RASGEF1C: variants seen among roughly 807,000 people sequenced by gnomAD.
RASGEF1C encodes the protein RasGEF domain family member 1C.
Under a neutral mutation model 58.1 loss-of-function variants are expected in RASGEF1C, and 27 were observed. The observed-to-expected ratio is 0.46, with a 90% CI of 0.34 to 0.64. RASGEF1C has a LOEUF of 0.64. Among genes scored for constraint, RASGEF1C ranks in the 30% least tolerant of loss-of-function variants. The pLI is 0.01. For missense variants in RASGEF1C, 502 were observed against 605.1 expected (o/e 0.83, Z 1.79); for synonymous variants, 243 against 246.3 (o/e 0.99, Z 0.13).
In RASGEF1C at chr5:180,138,167, C is replaced by A. The variant is rs558560992; in HGVS notation, c.-6-109G>T. ...CTCCTGGCTGGGCAGGCTCCCCCCA[C>A]AGCCACTTTGTGCCAGCTTGAGTCC... On this transcript the variant is annotated intron_variant, in intron 1 of 13. Transcript: ENST00000361132. The A allele has an allele frequency of 9.5e-5, 60 of 630,282 alleles. No individual in the cohort carries two copies. The African/African-American group carries it at 1.0e-3, about 11-fold the overall frequency. 39.0% of individuals were successfully genotyped at this position (630,282 alleles called of 1,614,324 possible).
At chr5:180,181,830 T>C (rs1767334133) in intron 1 of RASGEF1C, among the ~76,000 whole-genome samples, 1 of 152,160 alleles carries the variant, frequency 6.6e-6, no homozygotes, top group African/African-American at 2.4e-5. Flanking sequence ...ACTGGCAGGA[T>C]GTCTTCATGC....
intron 4 of RASGEF1C, among the ~76,000 whole-genome samples, 163 bp downstream of exon 4, chr5:180,136,215 C>A (rs1766467848): frequency 1.3e-5 from 2 of 152,256 alleles, no homozygotes; most frequent in East Asian, 3.8e-4. Flanking sequence ...TCCCTCCCAG[C>A]TCGGCAGTGC....
chr5:180,114,576 G>A (rs1355512449), intron 10 of RASGEF1C, 35 bp from the exon 11 acceptor site: 4 of 1,585,394 alleles, frequency 2.5e-6, no homozygotes, highest in East Asian at 2.3e-5. Context: ...GCCCCAGCCG[G>A]CCCTCCACAC....
At chr5:180,107,160 A>C (rs1381404097) in intron 12 of RASGEF1C, among the ~76,000 whole-genome samples, 1 of 152,196 alleles carries the variant, frequency 6.6e-6, no homozygotes, top group Non-Finnish European at 1.5e-5. Context: ...CTATCATTAT[A>C]GTGAAGTGAG....
rs1050700572 is a variant in RASGEF1C at position 180,156,571 on chromosome 5, C to G, written c.-6-18513G>C. 1.3e-5 allele frequency among the ~76,000 whole-genome samples: 2 copies of G among 152,142 alleles called. No individual in the cohort carries two copies. The highest frequency in any genetic ancestry group is 6.5e-5 in the Admixed American group (1 of 15,272). ...AGTGCTTGAGTCCAGCAGTTCAAGACCAGCCTGGGCAACATGGTGAGATCC... is the reference window on the plus strand; with the variant it reads ...AGTGCTTGAGTCCAGCAGTTCAAGAGCAGCCTGGGCAACATGGTGAGATCC... On this transcript the variant is annotated intron_variant, in intron 1 of 13. Coordinates refer to ENST00000361132, the MANE Select transcript of RASGEF1C (RefSeq NM_175062.4). The surrounding 1 kb of genome is among the most constrained non-coding windows in gnomAD (Gnocchi z 4.9).
At chr5:180,169,907 G>A (rs1398254773) in intron 1 of RASGEF1C, among the ~76,000 whole-genome samples, 1 of 151,324 alleles carries the variant, frequency 6.6e-6, no homozygotes. Flanking sequence ...CCTCCCCCTG[G>A]GCTCCCTGCT....
rs150580442 is a variant in RASGEF1C at position 180,128,521 on chromosome 5, G to C, written c.528C>G (p.Ala176=). ...TGGTCCTGTAGGAGATGGGCTTGTC[G>C]GCACCCACCAGACCTTCTGGCCCCT... ...LRQGPEGLVG[A]DKPISYRTKP... The change falls in exon 5 of 14, where the codon GCC becomes GCG. Residue 176 remains alanine (A), a synonymous_variant. Transcript: ENST00000361132. 14 of 1,614,100 alleles carry C rather than the reference G, an allele frequency of 8.7e-6. No homozygotes were observed. Among genetic ancestry groups the C allele is most frequent in the Non-Finnish European group, 1.2e-5 (14 of 1,180,006 alleles).
At chr5:180,148,615 A>G (rs1258792000) in intron 1 of RASGEF1C, among the ~76,000 whole-genome samples, 1 of 152,200 alleles carries the variant, frequency 6.6e-6, no homozygotes, top group Non-Finnish European at 1.5e-5. Flanking sequence ...CTCTGCTCCT[A>G]TACAGTTCTG....
rs954593817 is a variant in RASGEF1C, at chr5:180,137,410, G to A, written c.300+180C>T. Among the ~76,000 whole-genome samples, 7 of 152,304 alleles carry A rather than the reference G, an allele frequency of 4.6e-5. No homozygotes were observed. The Middle Eastern group carries it at 0.014, about 296-fold the overall frequency. ...GTCGGGCACTGGAAAACTACATGGA[G>A]GTTAAAGGTCCTGTTCTGCTCCTTC... On this transcript the variant is annotated intron_variant, in intron 3 of 13. Transcript: ENST00000361132. This position sits in a 1 kb window ranked among gnomAD's most constrained non-coding sequence, Gnocchi z 4.1.
rs756979750 is a variant in RASGEF1C at position 180,119,334 on chromosome 5, C to A, written c.907+12G>T. 6.2e-7 allele frequency: 1 copy of A among 1,605,968 alleles called. No homozygotes were observed. Among genetic ancestry groups the A allele is most frequent in the Admixed American group, 1.7e-5 (1 of 60,020 alleles). On this transcript the variant is annotated intron_variant, in intron 8 of 13. Transcript: ENST00000361132. ...GTGCACTGGGGGCCACAGGCCAGGCCGGCCCACTCACAGATGATGGCCATG... is the reference window on the plus strand; with the variant it reads ...GTGCACTGGGGGCCACAGGCCAGGCAGGCCCACTCACAGATGATGGCCATG...
rs567370213 is a variant in RASGEF1C at position 180,103,372 on chromosome 5, C to T, written c.1304-1229G>A. Reference sequence around the variant, plus strand: ...GATTACAGGCGTGAGCCACCGCACCCGGCACATCAGCATTAACTTTTAGCG... The same window carrying T: ...GATTACAGGCGTGAGCCACCGCACCTGGCACATCAGCATTAACTTTTAGCG... On this transcript the variant is annotated intron_variant, in intron 12 of 13. Transcript: ENST00000361132. Among the ~76,000 whole-genome samples, 15 of 152,324 alleles carry T rather than the reference C, an allele frequency of 9.8e-5. No homozygotes were observed. The South Asian group carries it at 1.7e-3, about 17-fold the overall frequency.
At position 180,137,992 on chromosome 5, in the gene RASGEF1C, T is replaced by TG. The variant is rs1207208989; in HGVS notation, c.60dup (p.Thr21HisfsTer115). The TG allele has an allele frequency of 6.3e-7, 1 of 1,582,096 alleles. No individual in the cohort carries two copies. On this transcript the variant is annotated frameshift_variant, in exon 2 of 14. Transcript: ENST00000361132. LOFTEE classifies it high-confidence loss of function. The surrounding 1 kb of genome is among the most constrained non-coding windows in gnomAD (Gnocchi z 4.1). ...GCCTGTTCGCCATCTGTGGGCTCGGTGGGGGGTGGGCTGAGGCTGCCTGGG... is the reference window on the plus strand; with the variant it reads ...GCCTGTTCGCCATCTGTGGGCTCGGTGGGGGGGTGGGCTGAGGCTGCCTGGG...
intron 4 of RASGEF1C, among the ~76,000 whole-genome samples, chr5:180,135,825 C>A (rs1582274539): frequency 6.6e-6 from 1 of 152,200 alleles, no homozygotes; most frequent in South Asian, 2.1e-4. Flanking sequence ...CCTCCTCTGC[C>A]CCTACCCTGA....
At chr5:180,129,225 C>A (rs1766320181) in intron 4 of RASGEF1C, among the ~76,000 whole-genome samples, 1 of 152,216 alleles carries the variant, frequency 6.6e-6, no homozygotes, top group Non-Finnish European at 1.5e-5. Context: ...AGTGTGCCGA[C>A]CACAGTTTTG....
chr5:180,184,897 T>C (rs4367257), intron 1 of RASGEF1C, among the ~76,000 whole-genome samples: 128,421 of 152,204 alleles, frequency 0.84, 54,285 homozygotes, highest in Admixed American at 0.88. Flanking sequence ...TCAGAATACA[T>C]GAAGCAAGAA....
chr5:180,120,065 G>T (rs1319188394), intron 7 of RASGEF1C, among the ~76,000 whole-genome samples: 1 of 152,044 alleles, frequency 6.6e-6, no homozygotes, highest in African/African-American at 2.4e-5. Context: ...GCGGCGTGAG[G>T]GTAGGAAGTG....
chr5:180,105,070 A>C (rs1765854368), intron 12 of RASGEF1C, among the ~76,000 whole-genome samples: 1 of 152,234 alleles, frequency 6.6e-6, no homozygotes, highest in Admixed American at 6.5e-5. Context: ...CTCATCAGGC[A>C]CTTCTGCAGT....
intron 12 of RASGEF1C, among the ~76,000 whole-genome samples, chr5:180,107,730 A>C (rs1389928085): frequency 6.6e-6 from 1 of 152,080 alleles, no homozygotes; most frequent in African/African-American, 2.4e-5. Flanking sequence ...TGCCTCAGCC[A>C]CCCAAGTAGC....
At chr5:180,140,767 T>C (rs1481598384) in intron 1 of RASGEF1C, among the ~76,000 whole-genome samples, 1 of 152,014 alleles carries the variant, frequency 6.6e-6, no homozygotes, top group Non-Finnish European at 1.5e-5. Flanking sequence ...ATGGGCTGGG[T>C]GAGGGTGGCT....
Sources: allele counts gnomAD v4.1 joint callset (sites outside exome capture counted in the v4.1 genomes callset), GRCh38; gene constraint gnomAD v4.1.1; non-coding constraint Gnocchi (gnomAD v3.1); transcripts MANE v1.5; gene names NCBI Gene and HGNC (gene_info 2026-07-23, HGNC 2026-07-21).